EXOSC9: variants seen among roughly 807,000 people sequenced by gnomAD.
EXOSC9 encodes the protein exosome component 9.
Under a neutral mutation model 56.5 loss-of-function variants are expected in EXOSC9, and 38 were observed. The ratio of observed to expected loss-of-function variants is 0.67; its 90% CI spans 0.52 to 0.88. EXOSC9 has a LOEUF of 0.88. Among genes scored for constraint, EXOSC9 ranks in the 40% least tolerant of loss-of-function variants. EXOSC9 has a pLI of 0.00. For synonymous variants in EXOSC9, 170 were observed against 170.8 expected (o/e 0.99, Z 0.04); for missense variants, 559 against 530.5 (o/e 1.05, Z -0.53).
At chr4:121,816,633 A>C in intron 11 of EXOSC9, 139 bp from the exon 12 acceptor site, 1 of 910,578 alleles carries the variant, frequency 1.1e-6, no homozygotes, top group Non-Finnish European at 1.6e-6. Context: ...CTAAATCTAT[A>C]ATATAAACTT....
rs577979191 is a variant in EXOSC9, at chr4:121,807,632, G to A, written c.605+10G>A. ...CCTTTTTCCAGCAAGGGTAAGCCTC[G>A]CCTTATTATGGGCCAAAATTACAAA... is the stretch of plus-strand genomic sequence containing the variant. On this transcript the variant is annotated intron_variant, in intron 6 of 11. Transcript: ENST00000243498. 5 of 1,574,976 alleles carry A rather than the reference G, an allele frequency of 3.2e-6. No homozygotes were observed. The highest frequency in any genetic ancestry group is 1.1e-5 in the South Asian group (1 of 90,108).
chr4:121,809,831 CAG>C (rs1727155445), intron 6 of EXOSC9, 134 bp from the exon 7 acceptor site: 2 of 901,260 alleles, frequency 2.2e-6, no homozygotes, highest in African/African-American at 3.4e-5. Context: ...TTCCCCATTT[CAG>C]TGACCCAAAT....
chr4:121,803,443 T>C (rs556722176), intron 4 of EXOSC9, among the ~76,000 whole-genome samples: 1 of 152,328 alleles, frequency 6.6e-6, no homozygotes, highest in African/African-American at 2.4e-5. Context: ...TTTATCGATT[T>C]ACACAGGGCC....
At chr4:121,809,691 T>G (rs549652960) in intron 6 of EXOSC9, 8 of 418,042 alleles carry the variant, frequency 1.9e-5, no homozygotes, top group African/African-American at 1.6e-4. Flanking sequence ...ATCAAAGAGA[T>G]AGCATTAGGT....
Position 121,801,367 on chromosome 4 carries a change from G to C in EXOSC9, c.-58G>C. 7 of 1,521,488 alleles carry C rather than the reference G, an allele frequency of 4.6e-6. No homozygotes were observed. The highest frequency in any genetic ancestry group is 6.4e-6 in the Non-Finnish European group (7 of 1,095,614). 94.2% of individuals were successfully genotyped at this position (1,521,488 alleles called of 1,614,324 possible). On this transcript the variant is annotated 5_prime_UTR_variant, in exon 1 of 12. Transcript: ENST00000243498. Reference sequence around the variant, plus strand: ...GGGCGAGCAGCGGCGCGCAAGGAAAGATCGGGTTCCGTTTTTCCCGCGGAT... The same window carrying C: ...GGGCGAGCAGCGGCGCGCAAGGAAACATCGGGTTCCGTTTTTCCCGCGGAT...
Position 121,802,976 on chromosome 4 carries a change from T to G in EXOSC9, c.343T>G (p.Cys115Gly). 1 of 1,614,026 alleles carries G rather than the reference T, an allele frequency of 6.2e-7. No individual in the cohort carries two copies. The highest frequency in any genetic ancestry group is 1.1e-5 in the South Asian group (1 of 91,078). Residue 115 changes from cysteine to glycine, a missense_variant, in exon 4 of 12, where the codon TGT (cysteine) becomes GGT (glycine). Physicochemically the swap from Cys to Gly is radical, Grantham distance 159. Coordinates refer to ENST00000243498, the MANE Select transcript of EXOSC9 (RefSeq NM_005033.3). The stretch of plus-strand genomic sequence containing the variant: ...GGAAAGATGTCTAAGAAATTCGAAG[T>G]GTATAGACACTGAGTCTCTCTGTGT... ...LMERCLRNSKCIDTESLCVVA... is the reference protein window; with the variant it reads ...LMERCLRNSKGIDTESLCVVA...
At chr4:121,809,885 C>G in intron 6 of EXOSC9, 82 bp from the exon 7 acceptor site, 1 of 1,499,478 alleles carries the variant, frequency 6.7e-7, no homozygotes, top group African/African-American at 1.4e-5. Flanking sequence ...TTTATTGATG[C>G]CATCTTTTAA....
chr4:121,808,460 A>G (rs1205294175), intron 6 of EXOSC9, among the ~76,000 whole-genome samples: 1 of 152,168 alleles, frequency 6.6e-6, no homozygotes, highest in African/African-American at 2.4e-5. Flanking sequence ...TCTGGGCTCA[A>G]TGAATTCTTC....
chr4:121,805,164 G>A (rs768941851), intron 5 of EXOSC9, among the ~76,000 whole-genome samples: 9 of 152,276 alleles, frequency 5.9e-5, no homozygotes, highest in Non-Finnish European at 1.3e-4. Flanking sequence ...TTGTCTCCAG[G>A]ACTTTTGTTC....
chr4:121,810,493 A>T (rs1318032507), intron 7 of EXOSC9, among the ~76,000 whole-genome samples: 3 of 152,108 alleles, frequency 2.0e-5, no homozygotes, highest in Non-Finnish European at 4.4e-5. Flanking sequence ...CAGCCTGGCC[A>T]ACATGGTGAA....
intron 10 of EXOSC9, chr4:121,814,872 A>G (rs1384681829): frequency 6.6e-6 from 1 of 152,210 alleles, no homozygotes; most frequent in African/African-American, 2.4e-5. Context: ...AAAAAAAGCA[A>G]ATTCTTGCTG....
Position 121,801,422 on chromosome 4 carries a change from A to G in EXOSC9, c.-3A>G, listed in dbSNP as rs768065096. 1 of 1,613,984 alleles carries G rather than the reference A, an allele frequency of 6.2e-7. No individual in the cohort carries two copies. The highest frequency in any genetic ancestry group is 1.1e-5 in the South Asian group (1 of 91,086). On this transcript the variant is annotated 5_prime_UTR_variant, in exon 1 of 12. Coordinates refer to ENST00000243498, the MANE Select transcript of EXOSC9 (RefSeq NM_005033.3). Reference sequence around the variant, plus strand: ...GTGCCTGTGGGGCCGGTGACCCAACACCATGAAGGAAACGCCACTCTCAAA... The same window carrying G: ...GTGCCTGTGGGGCCGGTGACCCAACGCCATGAAGGAAACGCCACTCTCAAA...
chr4:121,815,776 CACAA>C, intron 10 of EXOSC9: 3 of 1,001,744 alleles, frequency 3.0e-6, no homozygotes, highest in Non-Finnish European at 3.6e-6. Flanking sequence ...AATAGAGTAG[CACAA>C]ACAATTCAGT....
rs181489152 is a variant in EXOSC9 at position 121,808,484 on chromosome 4, C to T, written c.605+862C>T. Among the ~76,000 whole-genome samples the T allele has an allele frequency of 4.6e-5, 7 of 152,140 alleles. No homozygotes were observed. The East Asian group carries it at 9.6e-4, about 21-fold the overall frequency. Reference sequence around the variant, plus strand: ...AATGAATTCTTCAGCCTCAGCCTTCCGAGTAGTTGAGACTACAGGCATGCA... The same window carrying T: ...AATGAATTCTTCAGCCTCAGCCTTCTGAGTAGTTGAGACTACAGGCATGCA... On this transcript the variant is annotated intron_variant, in intron 6 of 11. Transcript: ENST00000243498.
intron 8 of EXOSC9, among the ~76,000 whole-genome samples, 165 bp from the exon 9 acceptor site, chr4:121,813,069 T>G (rs1398057700): frequency 6.6e-6 from 1 of 152,188 alleles, no homozygotes; most frequent in African/African-American, 2.4e-5. Flanking sequence ...TATTTACTCT[T>G]GTTAGGCATA....
intron 5 of EXOSC9, among the ~76,000 whole-genome samples, chr4:121,806,278 A>G (rs768945292): frequency 6.6e-6 from 1 of 151,868 alleles, no homozygotes; most frequent in Non-Finnish European, 1.5e-5. Context: ...TCAGCCTCCC[A>G]AGTAGCTGGG....
In EXOSC9 at chr4:121,814,067, A is replaced by C. The variant is rs1234641817; in HGVS notation, c.1156+20A>C. 1.5e-6 allele frequency: 2 copies of C among 1,328,642 alleles called. No homozygotes were observed. Among genetic ancestry groups the C allele is most frequent in the Non-Finnish European group, 2.0e-6 (2 of 980,226 alleles). 82.3% of individuals were successfully genotyped at this position (1,328,642 alleles called of 1,614,324 possible). On this transcript the variant is annotated intron_variant, in intron 10 of 11. Transcript: ENST00000243498. ...GCCAAGGTAGGTGACACTTTATGGC[A>C]CACTTACTATATATTACATACATAT... is the stretch of plus-strand genomic sequence containing the variant.
At chr4:121,806,805 A>G (rs1474207913) in intron 5 of EXOSC9, among the ~76,000 whole-genome samples, 2 of 152,102 alleles carry the variant, frequency 1.3e-5, no homozygotes, top group Non-Finnish European at 2.9e-5. Context: ...AGTCAGATTT[A>G]TAGAGACAGA....
intron 10 of EXOSC9, 151 bp downstream of exon 10, chr4:121,814,198 G>T: frequency 2.0e-6 from 1 of 490,266 alleles, no homozygotes; most frequent in Non-Finnish European, 3.6e-6. Flanking sequence ...GATGTATAGT[G>T]GATAAATAAC....
Sources: gnomAD v4.1 joint callset for allele counts (sites outside exome capture counted in the v4.1 genomes callset) on GRCh38, gnomAD v4.1.1 for gene constraint, MANE v1.5 for transcripts, NCBI Gene and HGNC (gene_info 2026-07-23, HGNC 2026-07-21) for gene names.